CDYL: variants seen among roughly 807,000 people sequenced by gnomAD.
The protein encoded by CDYL is chromodomain Y like, also known as chromodomain Y-like protein.
CDYL carries 8 observed loss-of-function variants against 47.3 expected under a neutral mutation model. The observed-to-expected ratio is 0.17, with a 90% CI of 0.10 to 0.31. The LOEUF (loss-of-function observed/expected upper bound fraction) is 0.31. Ranked by LOEUF, CDYL falls within the 10% of genes least tolerant of loss-of-function variation. The probability of loss-of-function intolerance (pLI) is 1.00; values close to 1 mark genes in which losing one functional copy is unlikely to be tolerated. For missense variants in CDYL, 471 were observed against 701.4 expected (o/e 0.67, Z 3.71); for synonymous variants, 266 against 265.0 (o/e 1.00, Z -0.04).
chr6:4,820,837 A>C (rs1196249331), intron 1 of CDYL, among the ~76,000 whole-genome samples: 1 of 152,232 alleles, frequency 6.6e-6, no homozygotes, highest in African/African-American at 2.4e-5. Flanking sequence ...ACTAAGGCAG[A>C]GCGGCAGCCT....
At chr6:4,780,742 C>T (rs1471157910) in intron 1 of CDYL, among the ~76,000 whole-genome samples, 1 of 152,086 alleles carries the variant, frequency 6.6e-6, no homozygotes, top group Non-Finnish European at 1.5e-5. Flanking sequence ...GGAAAAAAAA[C>T]CCATCCAACT....
At chr6:4,877,380 C>CT (rs1761649373) in intron 1 of CDYL, among the ~76,000 whole-genome samples, 1 of 151,814 alleles carries the variant, frequency 6.6e-6, no homozygotes, top group African/African-American at 2.4e-5. Context: ...CTGGTTATTG[C>CT]TTTTTTGTGA....
intron 2 of CDYL, among the ~76,000 whole-genome samples, chr6:4,915,079 G>C (rs1757518975): frequency 6.6e-6 from 1 of 152,242 alleles, no homozygotes; most frequent in Non-Finnish European, 1.5e-5. Context: ...GTTTAACTCT[G>C]TGTTGTTAGG....
At chr6:4,932,271 G>T (rs1581274391) in intron 2 of CDYL, among the ~76,000 whole-genome samples, 1 of 152,216 alleles carries the variant, frequency 6.6e-6, no homozygotes, top group East Asian at 1.9e-4. Flanking sequence ...AGATCAGGGT[G>T]CCAGCAGGTT....
chr6:4,864,426 G>A (rs150410052), intron 1 of CDYL, among the ~76,000 whole-genome samples: 1 of 152,262 alleles, frequency 6.6e-6, no homozygotes, highest in Non-Finnish European at 1.5e-5. Context: ...GAAGATAGGT[G>A]ATCAGGAATA....
intron 1 of CDYL, among the ~76,000 whole-genome samples, chr6:4,890,345 C>G (rs946308544): frequency 6.6e-6 from 1 of 152,194 alleles, no homozygotes; most frequent in Non-Finnish European, 1.5e-5. Context: ...CAAGAGCTTT[C>G]CCTGCTATGA....
intron 3 of CDYL, among the ~76,000 whole-genome samples, chr6:4,736,218 G>T (rs539693915): frequency 6.6e-6 from 1 of 152,248 alleles, no homozygotes; most frequent in African/African-American, 2.4e-5. Context: ...AGTATAACAA[G>T]GTCTAACAGT....
intron 1 of CDYL, among the ~76,000 whole-genome samples, chr6:4,804,925 T>C (rs138074878): frequency 1.3e-5 from 2 of 152,322 alleles, no homozygotes; most frequent in Non-Finnish European, 2.9e-5. Flanking sequence ...TCTATACTTT[T>C]ATCTGAGTGT....
intron 2 of CDYL, among the ~76,000 whole-genome samples, chr6:4,727,052 G>T (rs1397636763): frequency 6.6e-6 from 1 of 152,080 alleles, no homozygotes; most frequent in African/African-American, 2.4e-5. Flanking sequence ...CATAGTTTTA[G>T]TCACTTTGTT....
chr6:4,845,952 A>G (rs1760643208), intron 1 of CDYL, among the ~76,000 whole-genome samples: 1 of 152,138 alleles, frequency 6.6e-6, no homozygotes, highest in Non-Finnish European at 1.5e-5. Context: ...GGCACAATCT[A>G]ATTGCCTGTA....
chr6:4,798,301 G>A (rs1210689912), intron 1 of CDYL, among the ~76,000 whole-genome samples: 1 of 152,064 alleles, frequency 6.6e-6, no homozygotes, highest in Non-Finnish European at 1.5e-5. Flanking sequence ...ATTTTAGTGA[G>A]GATTTGGGGA....
intron 3 of CDYL, among the ~76,000 whole-genome samples, chr6:4,750,744 A>G (rs1757974448): frequency 6.6e-6 from 1 of 152,194 alleles, no homozygotes; most frequent in Non-Finnish European, 1.5e-5. Flanking sequence ...TACTGTAAGT[A>G]TATAGACAGG....
At chr6:4,802,369 C>T (rs1759250751) in intron 1 of CDYL, among the ~76,000 whole-genome samples, 1 of 152,036 alleles carries the variant, frequency 6.6e-6, no homozygotes, top group African/African-American at 2.4e-5. Flanking sequence ...GAGACCCCGT[C>T]TTTACTAAAA....
At chr6:4,910,989 A>G (rs1026179693) in intron 2 of CDYL, among the ~76,000 whole-genome samples, 7 of 152,080 alleles carry the variant, frequency 4.6e-5, no homozygotes, top group Non-Finnish European at 1.0e-4. Context: ...GCCTGCCACC[A>G]CGCCCGGCTA....
At chr6:4,755,617 AT>A (rs1758062974) in intron 3 of CDYL, among the ~76,000 whole-genome samples, 2 of 152,146 alleles carry the variant, frequency 1.3e-5, no homozygotes, top group African/African-American at 4.8e-5. Flanking sequence ...TGTTCATTTC[AT>A]GTTAGTGGCA....
At position 4,892,393 on chromosome 6, in the gene CDYL, G is replaced by T; in HGVS notation, c.691+14G>T. 1.3e-6 allele frequency: 2 copies of T among 1,587,574 alleles called. No homozygotes were observed. Among genetic ancestry groups the T allele is most frequent in the South Asian group, 1.2e-5 (1 of 86,656 alleles). ...TTAACGGGAAAGGTGAGTGTCTAGG[G>T]AGCTGCTCAGGCTCCGTGGTGATCC... On this transcript the variant is annotated intron_variant, in intron 2 of 6. Transcript: ENST00000397588.
At chr6:4,864,436 A>C (rs185318245) in intron 1 of CDYL, among the ~76,000 whole-genome samples, 2 of 152,316 alleles carry the variant, frequency 1.3e-5, no homozygotes, top group African/African-American at 4.8e-5. Context: ...GATCAGGAAT[A>C]ATATTTTATC....
intron 1 of CDYL, among the ~76,000 whole-genome samples, chr6:4,781,020 T>G (rs1183389899): frequency 6.6e-6 from 1 of 152,244 alleles, no homozygotes; most frequent in Non-Finnish European, 1.5e-5. Context: ...CCTTGAGAAC[T>G]CCTGTAATAG....
intron 2 of CDYL, chr6:4,715,960 T>C (rs1757250136): frequency 1.9e-6 from 3 of 1,541,988 alleles, no homozygotes; most frequent in Non-Finnish European, 1.8e-6. Flanking sequence ...TTAAAAATGA[T>C]TTTACTGGCC....
Sources: allele counts gnomAD v4.1 joint callset (sites outside exome capture counted in the v4.1 genomes callset), GRCh38; gene constraint gnomAD v4.1.1; transcripts MANE v1.5; gene names NCBI Gene and HGNC (gene_info 2026-07-23, HGNC 2026-07-21).